The following WDR90 variants were observed in gnomAD, a reference collection of about 807,000 sequenced individuals.
WDR90 encodes WD repeat domain 90, also known as WD repeat-containing protein 90.
WDR90 carries 238 observed loss-of-function variants against 195.2 expected under a neutral mutation model. The observed-to-expected ratio is 1.22, with a 90% CI of 1.10 to 1.36. The LOEUF is 1.36. WDR90 is among the 40% of genes most tolerant of loss of function. The pLI is 0.00. For missense variants in WDR90, 2,734 were observed against 2,439.5 expected (o/e 1.12, Z -2.54); for synonymous variants, 1,265 against 1,052.4 (o/e 1.20, Z -3.91).
At chr16:663,924 C>G (rs374773508) in intron 34 of WDR90, among the ~76,000 whole-genome samples, 1 of 152,170 alleles carries the variant, frequency 6.6e-6, no homozygotes, top group Non-Finnish European at 1.5e-5. Flanking sequence ...AAGAGCTCTG[C>G]GTGTGGTCAG....
chr16:666,676 CAG>C lies in WDR90; in HGVS notation c.4889_4890del (p.Gln1630ArgfsTer67). The C allele has an allele frequency of 6.2e-7, 1 of 1,612,694 alleles. No individual in the cohort carries two copies. Among genetic ancestry groups the C allele is most frequent in the Non-Finnish European group, 8.5e-7 (1 of 1,179,912 alleles). On this transcript the variant is annotated frameshift_variant, in exon 39 of 41. Coordinates refer to ENST00000293879, the MANE Select transcript of WDR90 (RefSeq NM_145294.5). LOFTEE classifies it high-confidence loss of function. ...GCAGCATGCTGCGCCTTTGCAGACT[CAG>C]GGCCACCTGCCACCCTCCCTCGCTG... The part of the protein sequence containing the change: ...SFPMPATTET[Q>X]GHLPPSLAAF...
intron 26 of WDR90, among the ~76,000 whole-genome samples, 171 bp downstream of exon 26, chr16:659,547 A>G (rs997425967): frequency 6.6e-6 from 1 of 151,288 alleles, no homozygotes; most frequent in African/African-American, 2.4e-5. Flanking sequence ...TCTCCTCCTT[A>G]GCCTCATCAG....
At chr16:651,410 GA>G in intron 7 of WDR90, 144 bp downstream of exon 7, 2 of 1,140,604 alleles carry the variant, frequency 1.8e-6, no homozygotes, top group Non-Finnish European at 1.2e-6. Context: ...TAGGTTGTCC[GA>G]GTTCCCAGAA....
rs2037766438 is a variant in WDR90, at chr16:656,839, C to T, written c.2310C>T (p.Ser770=). ...GCAGTGGGGCCGTGCGCTCCTTCAG[C>T]CTGGAGGCCGCTGAGGTCCTGGTGG... is the stretch of plus-strand genomic sequence containing the variant. The part of the protein sequence containing the change: ...GFSSGAVRSF[S]LEAAEVLVEH... The change falls in exon 19 of 41, where the codon AGC becomes AGT. Residue 770 remains serine, a synonymous_variant. Coordinates refer to ENST00000293879, the MANE Select transcript of WDR90 (RefSeq NM_145294.5). The T allele has an allele frequency of 6.2e-7, 1 of 1,612,970 alleles. No homozygotes were observed. The highest frequency in any genetic ancestry group is 1.1e-5 in the South Asian group (1 of 91,078).
In WDR90 at chr16:656,766, G is replaced by A. The variant is rs1361842396; in HGVS notation, c.2237G>A (p.Cys746Tyr). ...TTCACATCATCAGAGGACGCCCCGT[G>A]CGCTGTCACCTTCCACCCCACAAGG... ...YDFTSSEDAP[C>Y]AVTFHPTRPT... Residue 746 changes from cysteine (C) to tyrosine (Y), a missense_variant, in exon 19 of 41, where the codon TGC (cysteine) becomes TAC (tyrosine). Transcript: ENST00000293879. The A allele has an allele frequency of 2.5e-6, 4 of 1,613,150 alleles. No homozygotes were observed. In the East Asian group the frequency reaches 8.9e-5, roughly 36 times the overall value.
At chr16:650,734 A>C in intron 5 of WDR90, 25 bp downstream of exon 5, 5 of 1,595,038 alleles carry the variant, frequency 3.1e-6, no homozygotes, top group Non-Finnish European at 4.3e-6. Flanking sequence ...TGCACTCCCC[A>C]CTCCATATCT....
rs751306251 is a variant in WDR90, at chr16:667,770, C to T, written c.*181C>T. The T allele has an allele frequency of 3.7e-6, 3 of 808,342 alleles. No individual in the cohort carries two copies. The East Asian group carries it at 8.1e-5, about 22-fold the overall frequency. The allele number at this position is 808,342 out of a possible 1,614,324, so 50.1% of individuals were successfully genotyped here. On this transcript the variant is annotated 3_prime_UTR_variant, in exon 41 of 41. Coordinates refer to ENST00000293879, the MANE Select transcript of WDR90 (RefSeq NM_145294.5). ...CCTGTGAATACTTTCATACCTGTTG[C>T]CCTTTTGCCTAAGAAATCTTTAATG...
In WDR90 at chr16:659,015, A is replaced by G. The variant is rs770646158; in HGVS notation, c.3011+4A>G. On this transcript the variant is annotated splice_donor_region_variant and intron_variant, in intron 24 of 40. Transcript: ENST00000293879. ...ATGTCCTGGCCCCTACTGAGAGGCA[A>G]GTGCCTACTCTCAGCTGTGTCTGCC... 29 of 1,613,142 alleles carry G rather than the reference A, an allele frequency of 1.8e-5. No individual in the cohort carries two copies. Among genetic ancestry groups the G allele is most frequent in the Non-Finnish European group, 2.5e-5 (29 of 1,179,892 alleles).
Position 659,281 on chromosome 16 carries a change from G to A in WDR90, c.3089G>A (p.Arg1030Lys). 6.2e-7 allele frequency: 1 copy of A among 1,607,426 alleles called. No individual in the cohort carries two copies. The highest frequency in any genetic ancestry group is 2.2e-5 in the East Asian group (1 of 44,532). The change falls in exon 26 of 41, where the codon AGG (arginine) becomes AAG (lysine). Residue 1030 changes from arginine (R) to lysine (K), a missense_variant. Arg to Lys is a conservative substitution (Grantham distance 26). Transcript: ENST00000293879. ...GAGPLEDAAS[R>K]ASELPRQQVP... ...GGACCGCTGGAGGACGCAGCGTCCAGGGCCAGCGAGCTCCCCCGGCAGCAG... is the reference window on the plus strand; with the variant it reads ...GGACCGCTGGAGGACGCAGCGTCCAAGGCCAGCGAGCTCCCCCGGCAGCAG...
chr16:655,343 G>A lies in WDR90; in HGVS notation c.1593G>A (p.Trp531Ter). ...GCGGGCAGGGCAGTGTGCGGCTCTG[G>A]CGGCTGCGTGGCGGGGTGCTGCGTT... ...ASCGQGSVRL[W>*]RLRGGVLRSC... Residue 531 changes from tryptophan to a stop codon, truncating the protein, a stop_gained, in exon 15 of 41, where the codon TGG (tryptophan) becomes TGA (stop). Transcript: ENST00000293879. LOFTEE classifies it high-confidence loss of function. 6.2e-7 allele frequency: 1 copy of A among 1,603,304 alleles called. No homozygotes were observed. Among genetic ancestry groups the A allele is most frequent in the Non-Finnish European group, 8.5e-7 (1 of 1,179,408 alleles).
intron 26 of WDR90, among the ~76,000 whole-genome samples, chr16:659,702 C>T (rs541590923): frequency 3.3e-4 from 50 of 152,332 alleles, no homozygotes; most frequent in African/African-American, 1.2e-3. Flanking sequence ...CACCTGTGCT[C>T]ACGGAGGAGG....
At chr16:658,407 G>C (rs988942492) in intron 22 of WDR90, 63 bp downstream of exon 22, 11 of 1,586,694 alleles carry the variant, frequency 6.9e-6, no homozygotes, top group Non-Finnish European at 9.5e-6. Context: ...CCTGGCCTCT[G>C]TGCCTGCAGC....
intron 9 of WDR90, 116 bp from the exon 10 acceptor site, chr16:652,351 G>A (rs1365345615): frequency 2.4e-6 from 3 of 1,241,494 alleles, no homozygotes; most frequent in African/African-American, 3.0e-5. Flanking sequence ...CCCAGGACCA[G>A]GGCAGTCTTC....
In WDR90 at chr16:659,109, C is replaced by T. The variant is rs1248196661; in HGVS notation, c.3035C>T (p.Pro1012Leu). The T allele has an allele frequency of 4.3e-6, 7 of 1,612,282 alleles. No homozygotes were observed. The highest frequency in any genetic ancestry group is 1.3e-5 in the African/African-American group (1 of 74,916). Residue 1012 changes from proline (P) to leucine (L), a missense_variant, in exon 25 of 41, where the codon CCC becomes CTC. Pro to Leu is a moderately conservative substitution (Grantham distance 98). Coordinates refer to ENST00000293879, the MANE Select transcript of WDR90 (RefSeq NM_145294.5). ...TESDQSFPGA[P>L]PACKTGPGAG... ...AGCGACCAAAGCTTCCCCGGGGCCC[C>T]CCCAGCCTGCAAGACAGGTGAGTGG... is the stretch of plus-strand genomic sequence containing the variant.
rs375963987 is a variant in WDR90 at position 651,762 on chromosome 16, C to G, written c.840+15C>G. Reference sequence around the variant, plus strand: ...GCCCCACAGCCGTGAGTACCCCCTTCGCCCTATGAGATGGGGTTGGGGTGT... The same window carrying G: ...GCCCCACAGCCGTGAGTACCCCCTTGGCCCTATGAGATGGGGTTGGGGTGT... On this transcript the variant is annotated intron_variant, in intron 8 of 40. Coordinates refer to ENST00000293879, the MANE Select transcript of WDR90 (RefSeq NM_145294.5). The G allele has an allele frequency of 6.2e-7, 1 of 1,612,822 alleles. No individual in the cohort carries two copies. The highest frequency in any genetic ancestry group is 8.5e-7 in the Non-Finnish European group (1 of 1,179,972).
Position 655,564 on chromosome 16 carries a change from C to G in WDR90, c.1719-9C>G, listed in dbSNP as rs1164332336. ...AGGGCCTCACCTTCCCTGCCGCCTC[C>G]TCGGGCAGCTTCGTGTGCAGCCGCA... On this transcript the variant is annotated splice_polypyrimidine_tract_variant and intron_variant, in intron 15 of 40. Transcript: ENST00000293879. 6.3e-7 allele frequency: 1 copy of G among 1,581,208 alleles called. No homozygotes were observed. Among genetic ancestry groups the G allele is most frequent in the Middle Eastern group, 1.7e-4 (1 of 5,898 alleles).
rs778715110 is a variant in WDR90 at position 658,334 on chromosome 16, T to G, written c.2756T>G (p.Ile919Ser). The stretch of plus-strand genomic sequence containing the variant: ...GTGCTGGATGCTGTGTCGGGCCGCA[T>G]CATCCGGGAGGTGAGCCTCAGGGCT... ...VVVLDAVSGRIIRELPGVHPE... is the reference protein window; with the variant it reads ...VVVLDAVSGRSIRELPGVHPE... Residue 919 changes from isoleucine to serine, a missense_variant, in exon 22 of 41, where the codon ATC (isoleucine) becomes AGC (serine). Physicochemically the swap from Ile to Ser is moderately radical, Grantham distance 142. Transcript: ENST00000293879. 6.2e-7 allele frequency: 1 copy of G among 1,612,360 alleles called. No individual in the cohort carries two copies. The highest frequency in any genetic ancestry group is 8.5e-7 in the Non-Finnish European group (1 of 1,179,800).
chr16:666,255 G>C lies in WDR90; in HGVS notation c.4645G>C (p.Val1549Leu), dbSNP rs758772092. 2 of 1,612,700 alleles carry C rather than the reference G, an allele frequency of 1.2e-6. No homozygotes were observed. Among genetic ancestry groups the C allele is most frequent in the Admixed American group, 1.7e-5 (1 of 60,024 alleles). The change falls in exon 37 of 41, where the codon GTG becomes CTG. Residue 1549 changes from valine to leucine, a missense_variant. Transcript: ENST00000293879. ...TVLSGDKDGLVAVSHPCTGTT... is the reference protein window; with the variant it reads ...TVLSGDKDGLLAVSHPCTGTT... ...CCTCTCTGGAGACAAGGATGGGCTC[G>C]TGGCTGTGAGCCACCCCTGCACAGG...
chr16:667,542 A>G lies in WDR90; in HGVS notation c.5200A>G (p.Thr1734Ala), dbSNP rs776765760. ...TACACCGTCCGCCAGGCTGCTCTTCACGGCCGCCCGCAACGAGATCCTTGT... is the reference window on the plus strand; with the variant it reads ...TACACCGTCCGCCAGGCTGCTCTTCGCGGCCGCCCGCAACGAGATCCTTGT... Reference protein sequence around the residue: ...RFTPSARLLFTAARNEILVWE... With the variant: ...RFTPSARLLFAAARNEILVWE... Residue 1734 changes from threonine to alanine, a missense_variant, in exon 41 of 41, where the codon ACG becomes GCG. Thr to Ala is a moderately conservative substitution (Grantham distance 58). Coordinates refer to ENST00000293879, the MANE Select transcript of WDR90 (RefSeq NM_145294.5). The G allele has an allele frequency of 1.4e-5, 22 of 1,611,854 alleles. No individual in the cohort carries two copies. Among genetic ancestry groups the G allele is most frequent in the Non-Finnish European group, 1.9e-5 (22 of 1,179,970 alleles).
Sources: allele counts gnomAD v4.1 joint callset (sites outside exome capture counted in the v4.1 genomes callset), GRCh38; gene constraint gnomAD v4.1.1; transcripts MANE v1.5; gene names NCBI Gene and HGNC (gene_info 2026-07-23, HGNC 2026-07-21).